Variants in SCFD2 observed in about 807,000 individuals in gnomAD.
SCFD2 encodes the protein sec1 family domain-containing protein 2.
SCFD2 carries 54 observed loss-of-function variants against 58.9 expected under a neutral mutation model. The ratio of observed to expected loss-of-function variants is 0.92; its 90% confidence interval spans 0.74 to 1.15. SCFD2 has a LOEUF of 1.15. Ranked by LOEUF, SCFD2 falls within the 50% of genes most tolerant of loss-of-function variation. The pLI, the probability that SCFD2 is intolerant of heterozygous loss-of-function variation, is 0.00. For synonymous variants in SCFD2, 321 were observed against 335.9 expected (o/e 0.96, Z 0.49); for missense variants, 805 against 836.6 (o/e 0.96, Z 0.47).
intron 4 of SCFD2, among the ~76,000 whole-genome samples, chr4:53,182,061 A>C (rs1278505128): frequency 6.6e-6 from 1 of 152,224 alleles, no homozygotes; most frequent in African/African-American, 2.4e-5. Flanking sequence ...CAATATCGTG[A>C]AAATGGCCAT....
At chr4:53,113,479 GT>G (rs1490622078) in intron 5 of SCFD2, among the ~76,000 whole-genome samples, 1 of 152,052 alleles carries the variant, frequency 6.6e-6, no homozygotes, top group African/African-American at 2.4e-5. Context: ...CAAGAAATAA[GT>G]TTTCATTGTT....
At position 53,230,039 on chromosome 4, in the gene SCFD2, C is replaced by T. The variant is rs187579533; in HGVS notation, c.1311+43787G>A. 3.7e-4 allele frequency among the ~76,000 whole-genome samples: 56 copies of T among 152,288 alleles called. No homozygotes were observed. The East Asian group carries it at 0.01, about 28-fold the overall frequency. Reference sequence around the variant, plus strand: ...ATGAAAAAATGCTCATCACCACTGGCCATCAGAGAATGCAAATCAAAACCA... The same window carrying T: ...ATGAAAAAATGCTCATCACCACTGGTCATCAGAGAATGCAAATCAAAACCA... On this transcript the variant is annotated intron_variant, in intron 4 of 8. Transcript: ENST00000401642.
intron 5 of SCFD2, among the ~76,000 whole-genome samples, chr4:52,986,416 T>C (rs2109575394): frequency 6.6e-6 from 1 of 151,956 alleles, no homozygotes; most frequent in East Asian, 1.9e-4. Context: ...CAGCAACTGT[T>C]GTGGGCTGGG....
At chr4:52,889,497 G>C (rs1718831812) in intron 7 of SCFD2, among the ~76,000 whole-genome samples, 1 of 152,190 alleles carries the variant, frequency 6.6e-6, no homozygotes, top group Non-Finnish European at 1.5e-5. Flanking sequence ...TTCGAACTCT[G>C]TATTTCAGCA....
intron 4 of SCFD2, among the ~76,000 whole-genome samples, chr4:53,248,295 G>T (rs1245816869): frequency 6.6e-6 from 1 of 152,206 alleles, no homozygotes; most frequent in East Asian, 1.9e-4. Context: ...TCTCGCAGAT[G>T]CTAGCACAGC....
At chr4:52,874,082 A>G (rs1252935651) in intron 8 of SCFD2, 21 bp from the exon 9 acceptor site, 1 of 1,541,396 alleles carries the variant, frequency 6.5e-7, no homozygotes, top group Non-Finnish European at 9.0e-7. Flanking sequence ...GAGAGGGCAA[A>G]CACACCGCAG....
chr4:52,999,136 C>T (rs986385323), intron 5 of SCFD2, among the ~76,000 whole-genome samples: 7 of 152,234 alleles, frequency 4.6e-5, no homozygotes, highest in Non-Finnish European at 7.4e-5. Flanking sequence ...AGAGTGTTGG[C>T]GAGTAAAATC....
intron 4 of SCFD2, among the ~76,000 whole-genome samples, chr4:53,229,917 A>G (rs1297364242): frequency 6.6e-6 from 1 of 152,160 alleles, no homozygotes; most frequent in Non-Finnish European, 1.5e-5. Flanking sequence ...ACTCAAACAA[A>G]TTTACAAGAA....
intron 4 of SCFD2, among the ~76,000 whole-genome samples, chr4:53,260,742 T>C (rs1730805281): frequency 6.6e-6 from 1 of 152,174 alleles, no homozygotes; most frequent in Admixed American, 6.5e-5. Context: ...ACTGGCTTTA[T>C]AGAATGATTT....
chr4:53,097,287 T>A (rs1426977922), intron 5 of SCFD2, among the ~76,000 whole-genome samples: 1 of 152,214 alleles, frequency 6.6e-6, no homozygotes, highest in Non-Finnish European at 1.5e-5. Context: ...TGGCATTGAA[T>A]CTATAAATTA....
intron 8 of SCFD2, among the ~76,000 whole-genome samples, chr4:52,876,575 C>A (rs1015595596): frequency 6.6e-6 from 1 of 151,810 alleles, no homozygotes; most frequent in Non-Finnish European, 1.5e-5. Flanking sequence ...CATGGTGAAA[C>A]CCCATCTCTA....
At chr4:53,296,983 T>C (rs537854328) in intron 3 of SCFD2, among the ~76,000 whole-genome samples, 1 of 152,332 alleles carries the variant, frequency 6.6e-6, no homozygotes, top group South Asian at 2.1e-4. Flanking sequence ...TCTAATTTGA[T>C]CGTACTGTGG....
chr4:53,194,904 T>C (rs532217609), intron 4 of SCFD2, among the ~76,000 whole-genome samples: 2 of 152,224 alleles, frequency 1.3e-5, no homozygotes, highest in African/African-American at 4.8e-5. Flanking sequence ...GCATCATGGC[T>C]GTAGGTACAG....
At chr4:53,275,740 T>C (rs2149071075) in intron 3 of SCFD2, among the ~76,000 whole-genome samples, 1 of 152,294 alleles carries the variant, frequency 6.6e-6, no homozygotes, top group Admixed American at 6.5e-5. Flanking sequence ...TCTCACAGTT[T>C]TGTCTTTCTA....
intron 1 of SCFD2, among the ~76,000 whole-genome samples, chr4:53,358,741 G>A (rs891962939): frequency 3.9e-5 from 6 of 152,148 alleles, no homozygotes; most frequent in Admixed American, 6.5e-5. Context: ...AATATTTTAG[G>A]AATTCATGAA....
intron 2 of SCFD2, among the ~76,000 whole-genome samples, chr4:53,345,238 TAAAC>T (rs1359507880): frequency 9.2e-5 from 14 of 151,828 alleles, no homozygotes; most frequent in Admixed American, 7.9e-4. Context: ...ACAAAGAACT[TAAAC>T]AAATTTACAA....
At chr4:53,200,620 G>A (rs186591403) in intron 4 of SCFD2, among the ~76,000 whole-genome samples, 17 of 152,226 alleles carry the variant, frequency 1.1e-4, no homozygotes, top group African/African-American at 3.4e-4. Flanking sequence ...GATAGGACAA[G>A]CGCTTGTCTC....
intron 4 of SCFD2, among the ~76,000 whole-genome samples, chr4:53,169,567 A>T (rs888358437): frequency 2.0e-5 from 3 of 152,040 alleles, no homozygotes; most frequent in Admixed American, 1.3e-4. Flanking sequence ...ATATACCCAA[A>T]GTGGTATTGC....
chr4:53,145,222 C>T, intron 5 of SCFD2, 111 bp downstream of exon 5: 1 of 1,356,886 alleles, frequency 7.4e-7, no homozygotes, highest in Non-Finnish European at 1.0e-6. Context: ...CATGAAATTC[C>T]AAACAACTCC....
Sources: gnomAD v4.1 joint callset for allele counts (sites outside exome capture counted in the v4.1 genomes callset) on GRCh38, gnomAD v4.1.1 for gene constraint, MANE v1.5 for transcripts, NCBI Gene and HGNC (gene_info 2026-07-23, HGNC 2026-07-21) for gene names.